NOS1AP: variants seen among roughly 807,000 people sequenced by gnomAD.
The protein encoded by NOS1AP is nitric oxide synthase 1 adaptor protein.
A neutral mutation model predicts 56.2 loss-of-function variants in NOS1AP; 21 were observed. The ratio of observed to expected loss-of-function variants is 0.37; its 90% CI spans 0.26 to 0.54. The LOEUF is 0.54. Among genes scored for constraint, NOS1AP ranks in the 20% least tolerant of loss-of-function variants. NOS1AP has a pLI of 0.84. For synonymous variants in NOS1AP, 270 were observed against 274.6 expected (o/e 0.98, Z 0.17); for missense variants, 522 against 657.8 (o/e 0.79, Z 2.26).
chr1:162,081,382 T>C (rs1691882181), intron 1 of NOS1AP, among the ~76,000 whole-genome samples: 1 of 152,020 alleles, frequency 6.6e-6, no homozygotes, highest in Admixed American at 6.6e-5. Flanking sequence ...AAATGAGGCA[T>C]CAGTGAGTAG....
At chr1:162,266,743 A>G (rs114587066) in intron 2 of NOS1AP, among the ~76,000 whole-genome samples, 3,856 of 152,310 alleles carry the variant, frequency 0.025, 69 homozygotes, top group Non-Finnish European at 0.038. Context: ...TTTCTGTTAT[A>G]ATTAATCCTT....
intron 2 of NOS1AP, among the ~76,000 whole-genome samples, chr1:162,279,316 G>A (rs779135144): frequency 6.6e-6 from 1 of 152,178 alleles, no homozygotes; most frequent in African/African-American, 2.4e-5. Flanking sequence ...TCTACAGGGA[G>A]CAACCGCCAC....
intron 4 of NOS1AP, among the ~76,000 whole-genome samples, chr1:162,319,078 T>G (rs1656326127): frequency 6.6e-6 from 1 of 152,194 alleles, no homozygotes; most frequent in African/African-American, 2.4e-5. Context: ...GTGCTGTGCA[T>G]CGCTCCAGGT....
At chr1:162,286,612 C>T (rs1341127170) in intron 2 of NOS1AP, among the ~76,000 whole-genome samples, 2 of 152,202 alleles carry the variant, frequency 1.3e-5, no homozygotes, top group African/African-American at 2.4e-5. Context: ...ATGACGCCAA[C>T]ATCCATCAGC....
intron 2 of NOS1AP, among the ~76,000 whole-genome samples, chr1:162,226,435 G>A (rs762105148): frequency 5.3e-5 from 8 of 151,986 alleles, no homozygotes; most frequent in East Asian, 1.9e-4. Flanking sequence ...ATTTACTTAC[G>A]TAGTATTTAC....
chr1:162,155,264 A>G (rs1190155981), intron 2 of NOS1AP, among the ~76,000 whole-genome samples: 31 of 146,234 alleles, frequency 2.1e-4, no homozygotes, highest in Non-Finnish European at 3.9e-4. Flanking sequence ...ACATATATAT[A>G]TACACATACA....
intron 4 of NOS1AP, among the ~76,000 whole-genome samples, chr1:162,322,865 C>T (rs570345537): frequency 6.6e-5 from 10 of 152,214 alleles, no homozygotes; most frequent in South Asian, 4.2e-4. Flanking sequence ...AATAGTAATA[C>T]GGGTAATGAA....
intron 2 of NOS1AP, among the ~76,000 whole-genome samples, chr1:162,280,937 T>C (rs1262561651): frequency 6.6e-6 from 1 of 152,144 alleles, no homozygotes; most frequent in East Asian, 1.9e-4. Flanking sequence ...GACACATCAG[T>C]ATTAGAAACT....
At chr1:162,088,495 A>T (rs1692053121) in intron 1 of NOS1AP, among the ~76,000 whole-genome samples, 2 of 152,186 alleles carry the variant, frequency 1.3e-5, no homozygotes. Context: ...GGTTGTTCAG[A>T]TTATCGAGCC....
intron 4 of NOS1AP, among the ~76,000 whole-genome samples, chr1:162,332,550 C>T (rs1316863442): frequency 3.3e-5 from 5 of 152,124 alleles, no homozygotes; most frequent in African/African-American, 1.2e-4. Flanking sequence ...ATCACTATCA[C>T]CAAAGGAACT....
At chr1:162,166,219 A>G (rs562774946) in intron 2 of NOS1AP, among the ~76,000 whole-genome samples, 2 of 152,066 alleles carry the variant, frequency 1.3e-5, no homozygotes, top group South Asian at 4.2e-4. Flanking sequence ...CCCTCCCACC[A>G]TCCTCCACAC....
At chr1:162,128,895 G>A (rs751877966) in intron 1 of NOS1AP, among the ~76,000 whole-genome samples, 1 of 152,168 alleles carries the variant, frequency 6.6e-6, no homozygotes. Flanking sequence ...CCTGTTAGCC[G>A]TTTAGCTTAG....
At chr1:162,079,516 A>G (rs1387114155) in intron 1 of NOS1AP, among the ~76,000 whole-genome samples, 1 of 152,180 alleles carries the variant, frequency 6.6e-6, no homozygotes. Flanking sequence ...TTGGGTTCAA[A>G]TCCTGGCTCT....
intron 1 of NOS1AP, among the ~76,000 whole-genome samples, chr1:162,077,804 T>G (rs1426224571): frequency 6.6e-6 from 1 of 151,776 alleles, no homozygotes. Context: ...CACCTCTTTC[T>G]TTAATTAACA....
chr1:162,184,860 G>A (rs1410294758), intron 2 of NOS1AP, among the ~76,000 whole-genome samples: 1 of 152,170 alleles, frequency 6.6e-6, no homozygotes, highest in Non-Finnish European at 1.5e-5. Context: ...AATATAGTCT[G>A]TTTATTATTT....
chr1:162,119,114 T>C (rs1648093902), intron 1 of NOS1AP, among the ~76,000 whole-genome samples: 1 of 152,208 alleles, frequency 6.6e-6, no homozygotes, highest in South Asian at 2.1e-4. Flanking sequence ...CCTCATAGAA[T>C]GTTTTTCTTT....
At chr1:162,271,400 G>A (rs1654580003) in intron 2 of NOS1AP, among the ~76,000 whole-genome samples, 1 of 152,132 alleles carries the variant, frequency 6.6e-6, no homozygotes. Flanking sequence ...CTTATGGAAA[G>A]AAAGTATGAG....
At chr1:162,270,510 A>G (rs1654549734) in intron 2 of NOS1AP, among the ~76,000 whole-genome samples, 1 of 152,252 alleles carries the variant, frequency 6.6e-6, no homozygotes, top group Non-Finnish European at 1.5e-5. Flanking sequence ...CCATAGCAGT[A>G]TAGAAACTCT....
At chr1:162,259,722 A>G (rs898969791) in intron 2 of NOS1AP, among the ~76,000 whole-genome samples, 25 of 152,232 alleles carry the variant, frequency 1.6e-4, no homozygotes, top group Non-Finnish European at 3.4e-4. Flanking sequence ...AAGCATTAAA[A>G]CATTAACATG....
Sources: allele counts gnomAD v4.1 joint callset (sites outside exome capture counted in the v4.1 genomes callset), GRCh38; gene constraint gnomAD v4.1.1; transcripts MANE v1.5; gene names NCBI Gene and HGNC (gene_info 2026-07-23, HGNC 2026-07-21).